BRAP: variants seen among roughly 807,000 people sequenced by gnomAD.
BRAP encodes the protein BRCA1 associated protein.
In BRAP, 42 loss-of-function variants were observed where a neutral mutation model predicts 73.4. That is an observed-to-expected ratio of 0.57 (90% CI 0.45 to 0.74). BRAP has a LOEUF of 0.74. Ranked by LOEUF, BRAP falls within the 30% of genes least tolerant of loss-of-function variation. The pLI, the probability that BRAP is intolerant of heterozygous loss-of-function variation, is 0.00. For missense variants in BRAP, 593 were observed against 751.4 expected (o/e 0.79, Z 2.46); for synonymous variants, 255 against 267.4 (o/e 0.95, Z 0.45).
chr12:111,649,006 C>A (rs10744773), intron 11 of BRAP, among the ~76,000 whole-genome samples: 54,413 of 151,814 alleles, frequency 0.36, 14,247 homozygotes, highest in East Asian at 0.9. Flanking sequence ...GTCTCCAAAA[C>A]AACAACAACA....
At chr12:111,650,896 A>G (rs552365806) in intron 10 of BRAP, among the ~76,000 whole-genome samples, 28 of 152,234 alleles carry the variant, frequency 1.8e-4, no homozygotes, top group Admixed American at 3.9e-4. Flanking sequence ...CCTTAAAAAC[A>G]TAAGAGAATT....
In BRAP at chr12:111,669,796, A is replaced by G. The variant is rs1887098662; in HGVS notation, c.747+2865T>C. On this transcript the variant is annotated intron_variant, in intron 5 of 11. Coordinates refer to ENST00000419234, the MANE Select transcript of BRAP (RefSeq NM_006768.5). ...GTCTTATACCATTCTTTAAAAAAGG[A>G]AACTGTTCCTTTTAAGTTTACACCC... 3 of 498,002 alleles carry G rather than the reference A, an allele frequency of 6.0e-6. No homozygotes were observed. In the South Asian group the frequency reaches 9.6e-5, roughly 16 times the overall value. 30.8% of individuals were successfully genotyped at this position (498,002 alleles called of 1,614,324 possible).
intron 4 of BRAP, among the ~76,000 whole-genome samples, chr12:111,678,686 A>AT (rs748418829): frequency 0.071 from 8,989 of 125,934 alleles, 1,289 homozygotes; most frequent in East Asian, 0.6. Context: ...AACACACTAG[A>AT]TTTTTTTTTT....
chr12:111,671,852 A>T (rs1887187535), intron 5 of BRAP, among the ~76,000 whole-genome samples: 1 of 151,530 alleles, frequency 6.6e-6, no homozygotes, highest in South Asian at 2.1e-4. Context: ...CACCTGGCTA[A>T]TTTTTGTATT....
At chr12:111,655,414 C>G in intron 10 of BRAP, 152 bp downstream of exon 10, 1 of 514,162 alleles carries the variant, frequency 1.9e-6, no homozygotes. Context: ...TCCAAAGTTT[C>G]TTTTTAGTGG....
intron 5 of BRAP, chr12:111,670,374 T>C (rs1231776562): frequency 2.6e-6 from 1 of 381,332 alleles, no homozygotes; most frequent in African/African-American, 2.1e-5. Context: ...ATCCAACATT[T>C]TCCCCCGCCA....
chr12:111,683,161 T>C lies in BRAP; in HGVS notation c.229A>G (p.Met77Val), dbSNP rs751880237. 69 of 1,613,704 alleles carry C rather than the reference T, an allele frequency of 4.3e-5. No homozygotes were observed. Among genetic ancestry groups the C allele is most frequent in the Non-Finnish European group, 5.4e-5 (64 of 1,179,954 alleles). ...GAAAGCATACCTGGGTTGGACTTCA[T>C]GGTCTCAATGATCACATCTGTCATT... ...REMTDVIIET[M>V]KSNPDELKTT... is the part of the protein sequence containing the mutation. The change falls in exon 2 of 12, where the codon ATG becomes GTG. Residue 77 changes from methionine (M) to valine (V), a missense_variant. Met to Val is a conservative substitution (Grantham distance 21). Coordinates refer to ENST00000419234, the MANE Select transcript of BRAP (RefSeq NM_006768.5).
chr12:111,655,560 A>T lies in BRAP; in HGVS notation c.1311+6T>A. The T allele has an allele frequency of 6.2e-7, 1 of 1,608,776 alleles. No individual in the cohort carries two copies. On this transcript the variant is annotated splice_donor_region_variant and intron_variant, in intron 10 of 11. Transcript: ENST00000419234. The stretch of plus-strand genomic sequence containing the variant: ...TTCCGCAGTCACCCAAACCAAACAG[A>T]CTTACTTCCTCTGCTGTGTCCTTCT...
At chr12:111,658,455 A>G (rs908726104) in intron 9 of BRAP, among the ~76,000 whole-genome samples, 2 of 151,856 alleles carry the variant, frequency 1.3e-5, no homozygotes, top group Non-Finnish European at 1.5e-5. Flanking sequence ...CCTCCCGAGG[A>G]GCTGGGATTA....
At chr12:111,676,372 G>A (rs1887382019) in intron 4 of BRAP, among the ~76,000 whole-genome samples, 1 of 152,140 alleles carries the variant, frequency 6.6e-6, no homozygotes, top group African/African-American at 2.4e-5. Flanking sequence ...TTTGGCTGCA[G>A]GCAAGTGACT....
chr12:111,685,717 C>T lies in BRAP; in HGVS notation c.76G>A (p.Ala26Thr). ...GCGAGGCCGCGGGACTCACCCGCGG[C>T]GCTGAAGCCGAAGCCGGCGGGGACA... ...SPVPAGFGFS[A>T]AAGEMSDEEI... is the part of the protein sequence containing the mutation. Residue 26 changes from alanine (A) to threonine (T), a missense_variant, in exon 1 of 12, where the codon GCC becomes ACC. This residue lies in a region of BRAP where 304 missense variants were observed against 337.7 expected (regional missense o/e 0.90). Coordinates refer to ENST00000419234, the MANE Select transcript of BRAP (RefSeq NM_006768.5). The T allele has an allele frequency of 1.2e-6, 2 of 1,605,050 alleles. No homozygotes were observed. Among genetic ancestry groups the T allele is most frequent in the South Asian group, 2.2e-5 (2 of 90,186 alleles).
chr12:111,664,980 G>C (rs899766245), intron 6 of BRAP, among the ~76,000 whole-genome samples: 1 of 152,116 alleles, frequency 6.6e-6, no homozygotes, highest in African/African-American at 2.4e-5. Flanking sequence ...TTTCATTTCT[G>C]GGTTCCCCTC....
At chr12:111,649,850 A>G (rs758820899) in intron 11 of BRAP, 89 bp downstream of exon 11, 28 of 893,880 alleles carry the variant, frequency 3.1e-5, no homozygotes, top group Non-Finnish European at 4.3e-5. Flanking sequence ...GGTGATACAT[A>G]TATTTGAAAA....
intron 10 of BRAP, among the ~76,000 whole-genome samples, chr12:111,652,375 T>C (rs1460249836): frequency 6.6e-6 from 1 of 151,950 alleles, no homozygotes; most frequent in Non-Finnish European, 1.5e-5. Flanking sequence ...GGGCACCCGC[T>C]ACCACGTCCA....
intron 11 of BRAP, among the ~76,000 whole-genome samples, chr12:111,646,869 A>T (rs1886130119): frequency 6.6e-6 from 1 of 152,258 alleles, no homozygotes; most frequent in Non-Finnish European, 1.5e-5. Context: ...ACTCAGGATT[A>T]GGTAAAAAGA....
At chr12:111,670,380 C>T (rs1300038539) in intron 5 of BRAP, 4 of 372,580 alleles carry the variant, frequency 1.1e-5, no homozygotes, top group East Asian at 6.5e-5. Context: ...CATTTTCCCC[C>T]GCCACCCACT....
chr12:111,675,280 T>TA (rs2135925275), intron 4 of BRAP, among the ~76,000 whole-genome samples: 1 of 150,824 alleles, frequency 6.6e-6, no homozygotes, highest in Non-Finnish European at 1.5e-5. Context: ...TAAAATAAAA[T>TA]AAAAAAGGAG....
chr12:111,644,371 A>G lies in BRAP; in HGVS notation c.1607T>C (p.Val536Ala). The G allele has an allele frequency of 3.7e-6, 6 of 1,611,724 alleles. No homozygotes were observed. Among genetic ancestry groups the G allele is most frequent in the Non-Finnish European group, 5.1e-6 (6 of 1,179,522 alleles). Residue 536 changes from valine (V) to alanine (A), a missense_variant, in exon 12 of 12, where the codon GTC becomes GCC. Around this residue, in one of 4 missense-constraint regions of BRAP, gnomAD observed 143 missense variants for 190.4 expected, o/e 0.75. Transcript: ENST00000419234. ...ITEIQEQLRD[V>A]MFYLETQQKI... ...CTGCTGTGTCTCCAGGTAGAACATGACGTCACGCAGCTGCTCCTGGATCTC... is the reference window on the plus strand; with the variant it reads ...CTGCTGTGTCTCCAGGTAGAACATGGCGTCACGCAGCTGCTCCTGGATCTC...
At position 111,643,984 on chromosome 12, in the gene BRAP, T is replaced by TTTCG. The variant is rs1310813662; in HGVS notation, c.*214_*215insCGAA. 7.0e-6 allele frequency: 5 copies of TTTCG among 714,242 alleles called. No individual in the cohort carries two copies. In the Admixed American group the frequency reaches 1.2e-4, roughly 18 times the overall value. 44.2% of individuals were successfully genotyped at this position (714,242 alleles called of 1,614,324 possible). A position where few individuals can be genotyped will look rare whatever the true frequency, so the allele number is the denominator to read the frequency against. ...TTAGAATGTGAGGTTAGTGAACTCT[T>TTTCG]AAGACCTTTTCGAACGCAGCGCCTT... On this transcript the variant is annotated 3_prime_UTR_variant, in exon 12 of 12. Coordinates refer to ENST00000419234, the MANE Select transcript of BRAP (RefSeq NM_006768.5).
Sources: allele counts gnomAD v4.1 joint callset (sites outside exome capture counted in the v4.1 genomes callset), GRCh38; gene constraint gnomAD v4.1.1; regional missense constraint gnomAD v4.1.1; transcripts MANE v1.5; gene names NCBI Gene and HGNC (gene_info 2026-07-23, HGNC 2026-07-21).